ACTR10: variants seen among roughly 807,000 people sequenced by gnomAD.
The protein encoded by ACTR10 is actin related protein 10.
A neutral mutation model predicts 56.2 loss-of-function variants in ACTR10; 43 were observed. That is an observed-to-expected ratio of 0.77 (90% CI 0.60 to 0.99). The LOEUF (loss-of-function observed/expected upper bound fraction) is 0.99, where lower values mean the gene tolerates loss of function less well. ACTR10 is among the 50% of genes least tolerant of loss of function. The probability of loss-of-function intolerance (pLI) is 0.00; values close to 1 mark genes in which losing one functional copy is unlikely to be tolerated. For synonymous variants in ACTR10, 170 were observed against 176.3 expected, an observed-to-expected ratio of 0.96 and a Z score of 0.28; for missense variants, 466 against 507.8, an observed-to-expected ratio of 0.92 and a Z score of 0.79.
chr14:58,216,726 A>G (rs1889143354), intron 7 of ACTR10, among the ~76,000 whole-genome samples: 1 of 152,138 alleles, frequency 6.6e-6, no homozygotes, highest in Non-Finnish European at 1.5e-5. Flanking sequence ...ATCCCTCTGC[A>G]TGACTCAGCT....
intron 8 of ACTR10, among the ~76,000 whole-genome samples, chr14:58,220,557 A>G (rs983738660): frequency 1.3e-5 from 2 of 152,214 alleles, no homozygotes; most frequent in African/African-American, 2.4e-5. Context: ...CTCAGGTAAA[A>G]TGGTTTCCTT....
intron 2 of ACTR10, among the ~76,000 whole-genome samples, chr14:58,205,712 G>C (rs982073674): frequency 2.0e-5 from 3 of 152,050 alleles, no homozygotes; most frequent in Non-Finnish European, 4.4e-5. Context: ...GTAGATATTG[G>C]TGGTTTGATG....
intron 12 of ACTR10, among the ~76,000 whole-genome samples, chr14:58,232,645 A>G (rs921575212): frequency 3.3e-5 from 5 of 151,208 alleles, no homozygotes; most frequent in Non-Finnish European, 7.4e-5. Context: ...CGATCTCTTG[A>G]CCTCGTGATC....
At position 58,207,914 on chromosome 14, in the gene ACTR10, A is replaced by G. The variant is rs376240327; in HGVS notation, c.151-22A>G. On this transcript the variant is annotated intron_variant, in intron 2 of 12. Transcript: ENST00000254286. ...GGTTATTTTATTAATATAAATTAATAAATCATTTTAATTTTTTACAGCCTG... is the reference window on the plus strand; with the variant it reads ...GGTTATTTTATTAATATAAATTAATGAATCATTTTAATTTTTTACAGCCTG... 1,110 of 1,329,124 alleles carry G rather than the reference A, an allele frequency of 8.4e-4. 1 individual carries two copies. Among genetic ancestry groups the G allele is most frequent in the Non-Finnish European group, 1.0e-3 (1,035 of 1,001,000 alleles). 82.3% of individuals were successfully genotyped at this position (1,329,124 alleles called of 1,614,324 possible).
chr14:58,209,037 TTATCGAATCGG>T lies in ACTR10; in HGVS notation c.276_286del (p.Glu93MetfsTer18). On this transcript the variant is annotated frameshift_variant, in exon 4 of 13. Coordinates refer to ENST00000254286, the MANE Select transcript of ACTR10 (RefSeq NM_018477.3). LOFTEE classifies it high-confidence loss of function. Reference sequence around the variant, plus strand: ...AATCCCAGAGACCGCCGAGTTGTGATTATCGAATCGGTATTATGTCCTTCTCACTTCAGAGA... The same window carrying T: ...AATCCCAGAGACCGCCGAGTTGTGATTATTATGTCCTTCTCACTTCAGAGA... The T allele has an allele frequency of 6.2e-7, 1 of 1,613,082 alleles. No homozygotes were observed. The highest frequency in any genetic ancestry group is 8.5e-7 in the Non-Finnish European group (1 of 1,179,488).
In ACTR10 at chr14:58,223,709, TAA is replaced by T. The variant is rs34387083; in HGVS notation, c.714+19_714+20del. On this transcript the variant is annotated intron_variant, in intron 9 of 12. Coordinates refer to ENST00000254286, the MANE Select transcript of ACTR10 (RefSeq NM_018477.3). Reference sequence around the variant, plus strand: ...ATTGATGGGAATAATGAGGTAAGTTTAAAAAAAAAAAAGGCATCTTTTTGCAA... The same window carrying T: ...ATTGATGGGAATAATGAGGTAAGTTTAAAAAAAAAAGGCATCTTTTTGCAA... 9.3e-5 allele frequency: 125 copies of T among 1,347,588 alleles called. No individual in the cohort carries two copies. The highest frequency in any genetic ancestry group is 4.2e-4 in the Admixed American group (21 of 49,662). 83.5% of individuals were successfully genotyped at this position (1,347,588 alleles called of 1,614,324 possible).
At chr14:58,231,075 G>GAA in intron 11 of ACTR10, 1 of 274,390 alleles carries the variant, frequency 3.6e-6, no homozygotes, top group Non-Finnish European at 7.4e-6. Flanking sequence ...CTCTTTTTTT[G>GAA]ACAGTGTTGC....
In ACTR10 at chr14:58,213,486, T is replaced by C. The variant is rs1889052060; in HGVS notation, c.451-145T>C. On this transcript the variant is annotated intron_variant, in intron 5 of 12. Transcript: ENST00000254286. Reference sequence around the variant, plus strand: ...AAGAACATGAAAAAAAACTTACTCTTTGATTTTTCTGTAACTATGTTAAAA... The same window carrying C: ...AAGAACATGAAAAAAAACTTACTCTCTGATTTTTCTGTAACTATGTTAAAA... 4.1e-6 allele frequency: 2 copies of C among 487,578 alleles called. 1 individual carries two copies. The highest frequency in any genetic ancestry group is 8.8e-5 in the South Asian group (2 of 22,804). 30.2% of individuals were successfully genotyped at this position (487,578 alleles called of 1,614,324 possible).
chr14:58,211,460 A>G (rs1214914208), intron 5 of ACTR10, 61 bp downstream of exon 5: 3 of 1,181,062 alleles, frequency 2.5e-6, no homozygotes, highest in African/African-American at 1.5e-5. Context: ...TAAAATAATT[A>G]GGCTAATTAT....
intron 12 of ACTR10, among the ~76,000 whole-genome samples, chr14:58,233,519 A>T (rs953179154): frequency 6.6e-6 from 1 of 152,252 alleles, no homozygotes; most frequent in African/African-American, 2.4e-5. Context: ...ATATATACAG[A>T]TACTGGGCTG....
At chr14:58,231,673 G>A (rs1485278355) in intron 11 of ACTR10, among the ~76,000 whole-genome samples, 1 of 152,018 alleles carries the variant, frequency 6.6e-6, no homozygotes, top group Non-Finnish European at 1.5e-5. Context: ...ATACACCTTA[G>A]AAAAATTAAA....
Position 58,200,272 on chromosome 14 carries a change from G to T in ACTR10, c.55G>T (p.Asp19Tyr). Residue 19 changes from aspartate to tyrosine, a missense_variant, in exon 1 of 13, where the codon GAC becomes TAC. Coordinates refer to ENST00000254286, the MANE Select transcript of ACTR10 (RefSeq NM_018477.3). Reference protein sequence around the residue: ...SGGEKTAVVIDLGEAFTKCGF... With the variant: ...SGGEKTAVVIYLGEAFTKCGF... Reference sequence around the variant, plus strand: ...CGGGGAGAAGACGGCGGTCGTGATCGACCTGGGAGAGGCCTTTACCAAGTG... The same window carrying T: ...CGGGGAGAAGACGGCGGTCGTGATCTACCTGGGAGAGGCCTTTACCAAGTG... The T allele has an allele frequency of 6.6e-7, 1 of 1,507,370 alleles. No homozygotes were observed. The highest frequency in any genetic ancestry group is 8.8e-7 in the Non-Finnish European group (1 of 1,132,948). 93.4% of individuals were successfully genotyped at this position (1,507,370 alleles called of 1,614,324 possible).
chr14:58,233,373 C>T (rs1594817243), intron 12 of ACTR10, among the ~76,000 whole-genome samples: 1 of 152,008 alleles, frequency 6.6e-6, no homozygotes, highest in African/African-American at 2.4e-5. Flanking sequence ...TGTGGGTCCA[C>T]TCATATGCTG....
Position 58,200,275 on chromosome 14 carries a change from C to G in ACTR10, c.58C>G (p.Leu20Val). 1 of 1,511,832 alleles carries G rather than the reference C, an allele frequency of 6.6e-7. No individual in the cohort carries two copies. The highest frequency in any genetic ancestry group is 8.8e-7 in the Non-Finnish European group (1 of 1,135,738). The allele number at this position is 1,511,832 out of a possible 1,614,324, so 93.7% of individuals were successfully genotyped here. ...GGAGAAGACGGCGGTCGTGATCGACCTGGGAGAGGCCTTTACCAAGTGAGT... is the reference window on the plus strand; with the variant it reads ...GGAGAAGACGGCGGTCGTGATCGACGTGGGAGAGGCCTTTACCAAGTGAGT... ...GGEKTAVVID[L>V]GEAFTKCGFA... Residue 20 changes from leucine (L) to valine (V), a missense_variant, in exon 1 of 13, where the codon CTG (leucine) becomes GTG (valine). By Grantham distance (32) the Leu-to-Val change is conservative (BLOSUM62 1). Coordinates refer to ENST00000254286, the MANE Select transcript of ACTR10 (RefSeq NM_018477.3).
In ACTR10 at chr14:58,209,011, G is replaced by T. The variant is rs753185350; in HGVS notation, c.246G>T (p.Val82=). 6.2e-7 allele frequency: 1 copy of T among 1,608,748 alleles called. No individual in the cohort carries two copies. Among genetic ancestry groups the T allele is most frequent in the Non-Finnish European group, 8.5e-7 (1 of 1,177,780 alleles). ...IHILYFRHLL[V]NPRDRRVVII... is the part of the protein sequence containing the mutation. ...TTTCACTTTTCAGGCATCTATTGGT[G>T]AATCCCAGAGACCGCCGAGTTGTGA... is the stretch of plus-strand genomic sequence containing the variant. The change falls in exon 4 of 13, where the codon GTG becomes GTT. Residue 82 remains valine (V), a synonymous_variant. Coordinates refer to ENST00000254286, the MANE Select transcript of ACTR10 (RefSeq NM_018477.3).
chr14:58,214,566 C>T (rs1482416472), intron 6 of ACTR10, among the ~76,000 whole-genome samples: 1 of 151,700 alleles, frequency 6.6e-6, no homozygotes, highest in Non-Finnish European at 1.5e-5. Flanking sequence ...TCTCGGCTCA[C>T]CGCAACCTCC....
intron 11 of ACTR10, among the ~76,000 whole-genome samples, chr14:58,231,564 A>G (rs1441102266): frequency 1.3e-5 from 2 of 152,232 alleles, no homozygotes; most frequent in African/African-American, 2.4e-5. Flanking sequence ...GGCTCCATTC[A>G]TTGAAGGACC....
chr14:58,202,178 T>G (rs10483697), intron 1 of ACTR10, among the ~76,000 whole-genome samples: 6 of 151,920 alleles, frequency 3.9e-5, no homozygotes, highest in African/African-American at 1.5e-4. Context: ...AATATTAGAA[T>G]GATGGAATTA....
At chr14:58,229,228 T>A (rs1889472675) in intron 10 of ACTR10, among the ~76,000 whole-genome samples, 2 of 150,842 alleles carry the variant, frequency 1.3e-5, no homozygotes, top group Admixed American at 6.6e-5. Flanking sequence ...AGAAACAGAG[T>A]AAAACAGTGG....
Sources: allele counts gnomAD v4.1 joint callset (sites outside exome capture counted in the v4.1 genomes callset), GRCh38; gene constraint gnomAD v4.1.1; transcripts MANE v1.5; gene names NCBI Gene and HGNC (gene_info 2026-07-23, HGNC 2026-07-21).